SRGAP1: variants seen among roughly 807,000 people sequenced by gnomAD.
The protein encoded by SRGAP1 is SLIT-ROBO Rho GTPase activating protein 1.
A neutral mutation model predicts 121.9 loss-of-function variants in SRGAP1; 43 were observed. That is an observed-to-expected ratio of 0.35 (90% CI 0.28 to 0.46). The LOEUF (loss-of-function observed/expected upper bound fraction) is 0.46. Ranked by LOEUF, SRGAP1 falls within the 20% of genes least tolerant of loss-of-function variation. The probability of loss-of-function intolerance (pLI) is 1.00; values close to 1 mark genes in which losing one functional copy is unlikely to be tolerated. For missense variants in SRGAP1, 1,102 were observed against 1,350.9 expected, an observed-to-expected ratio of 0.82 and a Z score of 2.89; for synonymous variants, 447 against 485.4, an observed-to-expected ratio of 0.92 and a Z score of 1.04.
chr12:63,894,353 T>C (rs1448267498), intron 1 of SRGAP1, among the ~76,000 whole-genome samples: 3 of 151,996 alleles, frequency 2.0e-5, no homozygotes, highest in Non-Finnish European at 4.4e-5. Flanking sequence ...TCTCACACTC[T>C]CCCCCTCCTA....
intron 1 of SRGAP1, among the ~76,000 whole-genome samples, chr12:63,974,583 TTC>T (rs1211904896): frequency 6.6e-6 from 1 of 152,196 alleles, no homozygotes; most frequent in African/African-American, 2.4e-5. Flanking sequence ...TTTATTATAA[TTC>T]TGTTACCCCT....
chr12:63,901,452 C>G (rs1444735145), intron 1 of SRGAP1, among the ~76,000 whole-genome samples: 1 of 152,150 alleles, frequency 6.6e-6, no homozygotes, highest in African/African-American at 2.4e-5. Context: ...TTCCTCCTTC[C>G]CCTGTAATCT....
chr12:64,009,581 T>G (rs2034192861), intron 3 of SRGAP1, among the ~76,000 whole-genome samples: 1 of 152,186 alleles, frequency 6.6e-6, no homozygotes, highest in Non-Finnish European at 1.5e-5. Flanking sequence ...CTTTTTCACC[T>G]GGATGTAGAA....
chr12:64,055,550 A>T (rs1040676940), intron 6 of SRGAP1, among the ~76,000 whole-genome samples: 2 of 151,346 alleles, frequency 1.3e-5, no homozygotes, highest in Admixed American at 6.6e-5. Flanking sequence ...CGCCAAGTCA[A>T]TCCTAAGCCA....
chr12:63,884,086 C>G (rs1292976537), intron 1 of SRGAP1, among the ~76,000 whole-genome samples: 3 of 151,550 alleles, frequency 2.0e-5, no homozygotes, highest in South Asian at 2.1e-4. Flanking sequence ...AGTTTGAGAC[C>G]AGCCGGGCCA....
intron 1 of SRGAP1, among the ~76,000 whole-genome samples, chr12:63,881,058 AAG>A (rs1900179612): frequency 6.6e-6 from 1 of 152,184 alleles, no homozygotes; most frequent in African/African-American, 2.4e-5. Context: ...CGCATAACCC[AAG>A]AGAACATGCA....
At chr12:64,000,673 TAGG>T (rs1248371353) in intron 3 of SRGAP1, among the ~76,000 whole-genome samples, 5 of 152,124 alleles carry the variant, frequency 3.3e-5, no homozygotes, top group Non-Finnish European at 5.9e-5. Context: ...CTTGACATGT[TAGG>T]AGAGAACAGG....
chr12:64,029,259 C>T (rs969529097), intron 4 of SRGAP1, among the ~76,000 whole-genome samples: 4 of 152,140 alleles, frequency 2.6e-5, no homozygotes, highest in African/African-American at 9.7e-5. Context: ...GAATTTGTGT[C>T]GTGTCTCTAA....
At chr12:64,115,952 T>G in intron 18 of SRGAP1, 59 bp downstream of exon 18, 6 of 1,467,586 alleles carry the variant, frequency 4.1e-6, no homozygotes, top group Non-Finnish European at 5.6e-6. Context: ...TGTAAACAAT[T>G]GCTTGTATTA....
rs2037032767 is a variant in SRGAP1, at chr12:64,145,228, G to A, written c.*2556G>A. The A allele has an allele frequency of 6.6e-6, 1 of 152,142 alleles. No individual in the cohort carries two copies. Among genetic ancestry groups the A allele is most frequent in the East Asian group, 1.9e-4 (1 of 5,194 alleles). The allele number at this position is 152,142 out of a possible 1,614,324, so 9.4% of individuals were successfully genotyped here. The stretch of plus-strand genomic sequence containing the variant: ...TAACAGAGGGCATCAAAGGGCCAGA[G>A]GTGTCTTTGAATTTATTTTTTTTCA... On this transcript the variant is annotated 3_prime_UTR_variant, in exon 22 of 22. Transcript: ENST00000355086.
chr12:64,003,462 A>T (rs1321154552), intron 3 of SRGAP1, among the ~76,000 whole-genome samples: 2 of 149,974 alleles, frequency 1.3e-5, no homozygotes, highest in Non-Finnish European at 3.0e-5. Flanking sequence ...AATGAATGGA[A>T]AGCCAGGAAG....
At position 64,157,002 on chromosome 12, in the gene SRGAP1, G is replaced by A. The variant is rs1406211215; in HGVS notation, c.*14330G>A. On this transcript the variant is annotated 3_prime_UTR_variant, in exon 22 of 22. Coordinates refer to ENST00000355086, the MANE Select transcript of SRGAP1 (RefSeq NM_020762.4). ...GACCAGAAAGCGGATGGTTTGATAT[G>A]GTAGCTGCACTTCTAAAAAAAAAAG... 1 of 152,060 alleles carries A rather than the reference G, an allele frequency of 6.6e-6. No individual in the cohort carries two copies. Among genetic ancestry groups the A allele is most frequent in the Non-Finnish European group, 1.5e-5 (1 of 68,098 alleles). 9.4% of individuals were successfully genotyped at this position (152,060 alleles called of 1,614,324 possible). A position where few individuals can be genotyped will look rare whatever the true frequency, so the allele number is the denominator to read the frequency against.
chr12:64,018,789 C>T (rs1274418126), intron 4 of SRGAP1, among the ~76,000 whole-genome samples: 1 of 152,108 alleles, frequency 6.6e-6, no homozygotes, highest in Non-Finnish European at 1.5e-5. Flanking sequence ...TGATAAAGGC[C>T]AATTTCTAGC....
intron 1 of SRGAP1, among the ~76,000 whole-genome samples, chr12:63,872,735 G>A (rs1457765112): frequency 2.0e-5 from 3 of 152,102 alleles, no homozygotes; most frequent in East Asian, 1.9e-4. Flanking sequence ...TATAGTAGTC[G>A]CTCAGGCAGT....
chr12:63,958,006 G>A (rs571731194), intron 1 of SRGAP1, among the ~76,000 whole-genome samples: 2 of 152,268 alleles, frequency 1.3e-5, no homozygotes, highest in East Asian at 3.9e-4. Flanking sequence ...CCTGGGGAAG[G>A]ATGCAGAGCA....
chr12:63,966,013 T>C (rs893484369), intron 1 of SRGAP1, among the ~76,000 whole-genome samples: 1 of 152,138 alleles, frequency 6.6e-6, no homozygotes, highest in African/African-American at 2.4e-5. Context: ...AGAGACAGGG[T>C]TTCACCATGT....
At chr12:63,982,137 G>T (rs1322421963) in intron 1 of SRGAP1, among the ~76,000 whole-genome samples, 1 of 152,016 alleles carries the variant, frequency 6.6e-6, no homozygotes, top group Non-Finnish European at 1.5e-5. Flanking sequence ...CGTGGACCCG[G>T]GAGGCGGAGC....
Position 64,153,786 on chromosome 12 carries a change from T to C in SRGAP1, c.*11114T>C, listed in dbSNP as rs1250821368. The C allele has an allele frequency of 6.6e-6, 1 of 152,040 alleles. No individual in the cohort carries two copies. The highest frequency in any genetic ancestry group is 1.5e-5 in the Non-Finnish European group (1 of 68,028). 9.4% of individuals were successfully genotyped at this position (152,040 alleles called of 1,614,324 possible). A position where few individuals can be genotyped will look rare whatever the true frequency, so the allele number is the denominator to read the frequency against. On this transcript the variant is annotated 3_prime_UTR_variant, in exon 22 of 22. Transcript: ENST00000355086. The stretch of plus-strand genomic sequence containing the variant: ...AATTAAAAATAAAACCCTCATATGA[T>C]CCACCAAGCCCACTTCTGGGTACAT...
intron 1 of SRGAP1, among the ~76,000 whole-genome samples, chr12:63,865,620 G>A (rs1361443532): frequency 6.6e-6 from 1 of 152,200 alleles, no homozygotes; most frequent in Non-Finnish European, 1.5e-5. Flanking sequence ...GAGAGGTCAG[G>A]TGAATATGGT....
Sources: allele counts gnomAD v4.1 joint callset (sites outside exome capture counted in the v4.1 genomes callset), GRCh38; gene constraint gnomAD v4.1.1; transcripts MANE v1.5; gene names NCBI Gene and HGNC (gene_info 2026-07-23, HGNC 2026-07-21).